Variants in SNAP91 observed in about 807,000 individuals in gnomAD.
SNAP91 encodes the protein synaptosome associated protein 91, also known as clathrin coat assembly protein AP180.
A neutral mutation model predicts 100.3 loss-of-function variants in SNAP91; 27 were observed. That is an observed-to-expected ratio of 0.27 (90% CI 0.20 to 0.37). The LOEUF is 0.37. SNAP91 is among the 10% of genes least tolerant of loss of function. The probability of loss-of-function intolerance (pLI) is 1.00; values close to 1 mark genes in which losing one functional copy is unlikely to be tolerated. For missense variants in SNAP91, 986 were observed against 1,123.7 expected (o/e 0.88, Z 1.75); for synonymous variants, 404 against 398.6 (o/e 1.01, Z -0.16).
In SNAP91 at chr6:83,553,069, T is replaced by C. The variant is rs1004043368; in HGVS notation, c.*1227A>G. 2.0e-5 allele frequency: 3 copies of C among 152,530 alleles called. No individual in the cohort carries two copies. Among genetic ancestry groups the C allele is most frequent in the Non-Finnish European group, 4.4e-5 (3 of 68,024 alleles). The allele number at this position is 152,530 out of a possible 1,614,324, so 9.4% of individuals were successfully genotyped here. ...CTTTTAAATGGTACCATACATCTAT[T>C]AAATAATTTGAAAAATAGGCAAACA... On this transcript the variant is annotated 3_prime_UTR_variant, in exon 30 of 30. Transcript: ENST00000369694.
At chr6:83,641,425 A>C (rs955057595) in intron 7 of SNAP91, among the ~76,000 whole-genome samples, 8 of 152,208 alleles carry the variant, frequency 5.3e-5, no homozygotes, top group African/African-American at 1.9e-4. Context: ...AAAACAATTT[A>C]AATAATGAAA....
chr6:83,591,344 A>C lies in SNAP91; in HGVS notation c.1931-50T>G, dbSNP rs766769545. ...GAAAAGTAAGAAAGTGTAAAAAGTAAGTACAGTAAGTAATTTAAGTATTAT... is the reference window on the plus strand; with the variant it reads ...GAAAAGTAAGAAAGTGTAAAAAGTACGTACAGTAAGTAATTTAAGTATTAT... On this transcript the variant is annotated intron_variant, in intron 21 of 29. Coordinates refer to ENST00000369694, the MANE Select transcript of SNAP91 (RefSeq NM_001242792.2). 6 of 1,167,020 alleles carry C rather than the reference A, an allele frequency of 5.1e-6. No homozygotes were observed. The African/African-American group carries it at 9.0e-5, about 17-fold the overall frequency. 72.3% of individuals were successfully genotyped at this position (1,167,020 alleles called of 1,614,324 possible).
At chr6:83,693,187 CCT>C (rs952621357) in intron 2 of SNAP91, among the ~76,000 whole-genome samples, 1 of 152,174 alleles carries the variant, frequency 6.6e-6, no homozygotes, top group Admixed American at 6.5e-5. Context: ...AATCCTGACT[CCT>C]CCCCTCATTA....
intron 17 of SNAP91, among the ~76,000 whole-genome samples, chr6:83,594,010 G>T (rs1218593546): frequency 6.6e-6 from 1 of 152,158 alleles, no homozygotes; most frequent in Non-Finnish European, 1.5e-5. Flanking sequence ...TAGGATCAGA[G>T]ATTGCTATCC....
chr6:83,672,963 CTTTT>C (rs1287345721), intron 2 of SNAP91, among the ~76,000 whole-genome samples: 1 of 152,070 alleles, frequency 6.6e-6, no homozygotes, highest in East Asian at 1.9e-4. Context: ...ACTGGTCATT[CTTTT>C]ATTTTATAAT....
At chr6:83,556,504 T>C (rs1441468194) in intron 28 of SNAP91, among the ~76,000 whole-genome samples, 1 of 152,212 alleles carries the variant, frequency 6.6e-6, no homozygotes, top group Non-Finnish European at 1.5e-5. Context: ...TTGTGTTTAA[T>C]TCTGGACTGG....
At position 83,601,412 on chromosome 6, in the gene SNAP91, G is replaced by T. The variant is rs2095200851; in HGVS notation, c.1183C>A (p.Pro395Thr). Residue 395 changes from proline to threonine, a missense_variant, in exon 16 of 30, where the codon CCC becomes ACC. By Grantham distance (38) the Pro-to-Thr change is conservative. This residue lies in a region of SNAP91 where 575 missense variants were observed against 579.9 expected (regional missense o/e 0.99). Coordinates refer to ENST00000369694, the MANE Select transcript of SNAP91 (RefSeq NM_001242792.2). ...GGATCTGAAATCTGTGCTTCAGAGG[G>T]AACAGAGGAAAGTGCAGCCAAAGAA... ...EDSLAALSSV[P>T]SEAQISDPFA... 1 of 1,613,440 alleles carries T rather than the reference G, an allele frequency of 6.2e-7. No individual in the cohort carries two copies. Among genetic ancestry groups the T allele is most frequent in the Non-Finnish European group, 8.5e-7 (1 of 1,179,746 alleles).
At position 83,657,756 on chromosome 6, in the gene SNAP91, G is replaced by A. The variant is rs917549510; in HGVS notation, c.547-891C>T. On this transcript the variant is annotated intron_variant, in intron 6 of 29. Coordinates refer to ENST00000369694, the MANE Select transcript of SNAP91 (RefSeq NM_001242792.2). ...ACATGTCAAAATATTTTACTTTCAT[G>A]AATCAGATTTCAGATTTTTTTTTTT... 9.8e-5 allele frequency among the ~76,000 whole-genome samples: 13 copies of A among 133,232 alleles called. No individual in the cohort carries two copies. The East Asian group carries it at 2.8e-3, about 29-fold the overall frequency. 87.4% of individuals were successfully genotyped at this position (133,232 alleles called of 152,430 possible).
Position 83,655,342 on chromosome 6 carries a change from G to A in SNAP91, c.658+1412C>T, listed in dbSNP as rs141188995. Among the ~76,000 whole-genome samples the A allele has an allele frequency of 2.2e-3, 337 of 152,302 alleles. 2 individuals are homozygous for A. The highest frequency in any genetic ancestry group is 3.8e-3 in the Non-Finnish European group (259 of 68,018). On this transcript the variant is annotated intron_variant, in intron 7 of 29. Coordinates refer to ENST00000369694, the MANE Select transcript of SNAP91 (RefSeq NM_001242792.2). ...AAGCATCTGGTATAGTGTCACATAT[G>A]AGTCAGGCTCAGATTAAGGGAAGAC...
At chr6:83,675,500 T>G (rs2098849297) in intron 2 of SNAP91, among the ~76,000 whole-genome samples, 1 of 152,194 alleles carries the variant, frequency 6.6e-6, no homozygotes, top group Admixed American at 6.5e-5. Flanking sequence ...ATATATATAC[T>G]TTGTAATTTT....
At chr6:83,562,167 C>T (rs1049110929) in intron 26 of SNAP91, among the ~76,000 whole-genome samples, 2 of 152,194 alleles carry the variant, frequency 1.3e-5, no homozygotes, top group African/African-American at 2.4e-5. Context: ...AAAGGTAACA[C>T]TTTCTAATCA....
chr6:83,678,836 C>T (rs2098947071), intron 2 of SNAP91: 1 of 1,277,870 alleles, frequency 7.8e-7, no homozygotes, highest in African/African-American at 1.5e-5. Flanking sequence ...CAATAAAAAT[C>T]CAAGTCTGTT....
At chr6:83,601,555 A>G in intron 15 of SNAP91, 30 bp downstream of exon 15, 1 of 1,613,226 alleles carries the variant, frequency 6.2e-7, no homozygotes, top group Non-Finnish European at 8.5e-7. Flanking sequence ...GTCTGTCAAA[A>G]TGGAAGTTTA....
chr6:83,623,932 A>T (rs1479199828), intron 8 of SNAP91, among the ~76,000 whole-genome samples: 2 of 152,126 alleles, frequency 1.3e-5, no homozygotes, highest in African/African-American at 4.8e-5. Context: ...ACATATATCC[A>T]TATCAACACA....
intron 1 of SNAP91, chr6:83,708,459 G>C (rs1368600007): frequency 1.3e-5 from 2 of 153,622 alleles, no homozygotes; most frequent in African/African-American, 4.8e-5. Flanking sequence ...CGCTGCTGCA[G>C]CAAAGGGCTC....
intron 4 of SNAP91, 81 bp from the exon 5 acceptor site, chr6:83,661,685 C>T: frequency 1.4e-6 from 1 of 715,270 alleles, no homozygotes; most frequent in Non-Finnish European, 2.3e-6. Flanking sequence ...TTTTTTTTAA[C>T]TCTCTAAATG....
chr6:83,678,524 G>C (rs2098942267), intron 2 of SNAP91, among the ~76,000 whole-genome samples: 1 of 152,154 alleles, frequency 6.6e-6, no homozygotes, highest in Non-Finnish European at 1.5e-5. Flanking sequence ...CCACACACGT[G>C]AAACTTATGT....
intron 9 of SNAP91, 40 bp downstream of exon 9, chr6:83,623,261 T>C: frequency 6.6e-7 from 1 of 1,521,564 alleles, no homozygotes; most frequent in Non-Finnish European, 9.1e-7. Flanking sequence ...GTTGTAATAA[T>C]CTCATGCATA....
chr6:83,639,125 C>G (rs1385094438), intron 8 of SNAP91, among the ~76,000 whole-genome samples: 1 of 152,170 alleles, frequency 6.6e-6, no homozygotes, highest in Non-Finnish European at 1.5e-5. Context: ...TCCCAAATAA[C>G]CAATATATAA....
Sources: allele counts gnomAD v4.1 joint callset (sites outside exome capture counted in the v4.1 genomes callset), GRCh38; gene constraint gnomAD v4.1.1; regional missense constraint gnomAD v4.1.1; transcripts MANE v1.5; gene names NCBI Gene and HGNC (gene_info 2026-07-23, HGNC 2026-07-21).